ATAD2: variants seen among roughly 807,000 people sequenced by gnomAD.
ATAD2 encodes the protein ATPase family AAA domain containing 2.
Under a neutral mutation model 168.9 loss-of-function variants are expected in ATAD2, and 62 were observed. The ratio of observed to expected loss-of-function variants is 0.37; its 90% CI spans 0.30 to 0.45. The LOEUF (loss-of-function observed/expected upper bound fraction) is 0.45, where lower values mean the gene tolerates loss of function less well. Ranked by LOEUF, ATAD2 falls within the 20% of genes least tolerant of loss-of-function variation. The pLI, the probability that ATAD2 is intolerant of heterozygous loss-of-function variation, is 1.00. For missense variants in ATAD2, 1,419 were observed against 1,667.8 expected, an observed-to-expected ratio of 0.85 and a Z score of 2.60; for synonymous variants, 613 against 571.6, an observed-to-expected ratio of 1.07 and a Z score of -1.03.
chr8:123,349,906 G>A (rs1586873359), intron 13 of ATAD2, among the ~76,000 whole-genome samples: 2 of 151,132 alleles, frequency 1.3e-5, no homozygotes, highest in South Asian at 4.2e-4. Flanking sequence ...CCAGCATGGT[G>A]ACATGACCTG....
At chr8:123,346,013 A>G (rs1398989497) in intron 18 of ATAD2, 73 bp downstream of exon 18, 1 of 1,228,404 alleles carries the variant, frequency 8.1e-7, no homozygotes, top group African/African-American at 1.6e-5. Flanking sequence ...AACACAATAC[A>G]AAAAAATGGG....
At chr8:123,370,095 T>C in intron 6 of ATAD2, 71 bp from the exon 7 acceptor site, 1 of 1,416,658 alleles carries the variant, frequency 7.1e-7, no homozygotes, top group Non-Finnish European at 9.6e-7. Context: ...CATAGGTGAG[T>C]TGGGAGAGAA....
At chr8:123,401,370 G>T, upstream of ATAD2, 1 of 1,402,278 alleles carries the variant, frequency 7.1e-7, no homozygotes, top group Non-Finnish European at 1.0e-6. Context: ...TCACCCAGGC[G>T]GGTGTCGACG....
chr8:123,337,923 CAT>C, intron 20 of ATAD2, 102 bp from the exon 21 acceptor site: 1 of 1,107,024 alleles, frequency 9.0e-7, no homozygotes, highest in Admixed American at 3.0e-5. Context: ...TTATCTTCCT[CAT>C]ATATGCAAGG....
intron 1 of ATAD2, among the ~76,000 whole-genome samples, chr8:123,382,017 G>T (rs184390898): frequency 9.3e-4 from 142 of 152,288 alleles, no homozygotes; most frequent in Non-Finnish European, 1.3e-3. Context: ...CTGCACTCCA[G>T]CCTGGGCGAC....
At chr8:123,413,991 G>A (rs1351773) in intron 1 of ATAD2, among the ~76,000 whole-genome samples, 151,233 of 151,242 alleles carry the variant, frequency 1, 75,612 homozygotes, top group Middle Eastern at 1. Context: ...ACCTCCACAA[G>A]AAAATACACA....
intron 1 of ATAD2, among the ~76,000 whole-genome samples, chr8:123,414,854 C>T (rs1813219032): frequency 6.6e-6 from 1 of 152,152 alleles, no homozygotes; most frequent in Non-Finnish European, 1.5e-5. Context: ...CTACACCTGT[C>T]CCACTCACTT....
At chr8:123,396,479 C>T, upstream of ATAD2, 1 of 1,102,560 alleles carries the variant, frequency 9.1e-7, no homozygotes, top group African/African-American at 1.6e-5. Context: ...GCGGCCGCAG[C>T]GCGCGCGCCC....
At chr8:123,354,864 A>AAAAAAAAAATATATAT (rs1554644338) in intron 13 of ATAD2, among the ~76,000 whole-genome samples, 1 of 64,714 alleles carries the variant, frequency 1.5e-5, no homozygotes, top group African/African-American at 8.7e-5. Flanking sequence ...AAAAAAAAAA[A>AAAAAAAAAATATATAT]ATATATATAT....
chr8:123,402,815 C>CAATAATAAT lies in ATAD2; in HGVS notation c.-2281-1649_-2281-1641dup, dbSNP rs59837172. Among the ~76,000 whole-genome samples the CAATAATAAT allele has an allele frequency of 0.026, 1,356 of 51,704 alleles. 11 individuals carry two copies. Among genetic ancestry groups the CAATAATAAT allele is most frequent in the African/African-American group, 0.1 (1,007 of 9,730 alleles). The allele number at this position is 51,704 out of a possible 152,430, so 33.9% of individuals were successfully genotyped here. On this transcript the variant is annotated intron_variant, in intron 1 of 28. Transcript: ENST00000521903. This position sits in a 1 kb window ranked among gnomAD's most constrained non-coding sequence, Gnocchi z 4.8. ...GAATAAATCAAGCAGGTCTCAATGC[C>CAATAATAAT]AATAATAATAATAATAATAATAATA... is the stretch of plus-strand genomic sequence containing the variant.
At chr8:123,396,563 T>C (rs1304714153), upstream of ATAD2, 10 of 571,096 alleles carry the variant, frequency 1.8e-5, no homozygotes, top group East Asian at 3.2e-4. Flanking sequence ...CTCCCATTTG[T>C]AGAGCGAAGG....
intron 9 of ATAD2, among the ~76,000 whole-genome samples, chr8:123,360,680 C>CTA (rs1340013593): frequency 2.0e-5 from 3 of 151,778 alleles, no homozygotes; most frequent in Admixed American, 6.6e-5. Context: ...AGCTTCTACT[C>CTA]TAGTCTCAGT....
At chr8:123,403,368 G>C (rs1406875900) in intron 1 of ATAD2, among the ~76,000 whole-genome samples, 1 of 151,788 alleles carries the variant, frequency 6.6e-6, no homozygotes, top group African/African-American at 2.4e-5. Flanking sequence ...CCAAAGTGGT[G>C]GGATTACAGG....
At chr8:123,361,880 G>A (rs1183117892) in intron 8 of ATAD2, among the ~76,000 whole-genome samples, 2 of 152,204 alleles carry the variant, frequency 1.3e-5, no homozygotes, top group Non-Finnish European at 2.9e-5. Flanking sequence ...AATATCAAAT[G>A]TTCATGGAGA....
chr8:123,416,076 T>C (rs1285132217), intron 1 of ATAD2, among the ~76,000 whole-genome samples: 1 of 152,050 alleles, frequency 6.6e-6, no homozygotes, highest in Non-Finnish European at 1.5e-5. Flanking sequence ...ATTTAAAAGA[T>C]TAAGTTACAA....
intron 19 of ATAD2, 148 bp from the exon 20 acceptor site, chr8:123,339,594 C>A: frequency 1.4e-6 from 1 of 721,052 alleles, no homozygotes; most frequent in Non-Finnish European, 2.2e-6. Context: ...GGGTTATGTC[C>A]AAATAAACCC....
upstream of ATAD2, chr8:123,400,790 C>T: frequency 1.1e-6 from 1 of 895,032 alleles, no homozygotes; most frequent in Non-Finnish European, 1.9e-6. The surrounding 1 kb of genome is among the most constrained non-coding windows in gnomAD (Gnocchi z 4.5). Context: ...TCCATGGACA[C>T]TGTGACAGAG....
At chr8:123,401,627 T>A in intron 1 of ATAD2, 2 of 964,186 alleles carry the variant, frequency 2.1e-6, no homozygotes, top group Non-Finnish European at 3.4e-6. Flanking sequence ...GGTGGCTGAG[T>A]ATGCCCGGCA....
intron 2 of ATAD2, among the ~76,000 whole-genome samples, chr8:123,376,974 C>G (rs538295368): frequency 1.6e-4 from 25 of 151,684 alleles, no homozygotes; most frequent in African/African-American, 6.0e-4. Flanking sequence ...TGCCTGTAAT[C>G]CCAGCTACTC....
Sources: allele counts gnomAD v4.1 joint callset (sites outside exome capture counted in the v4.1 genomes callset), GRCh38; gene constraint gnomAD v4.1.1; non-coding constraint Gnocchi (gnomAD v3.1); transcripts MANE v1.5; gene names NCBI Gene and HGNC (gene_info 2026-07-23, HGNC 2026-07-21).